MEGF11: variants seen among roughly 807,000 people sequenced by gnomAD.
The protein encoded by MEGF11 is multiple epidermal growth factor-like domains protein 11.
Under a neutral mutation model 146.6 loss-of-function variants are expected in MEGF11, and 126 were observed. That is an observed-to-expected ratio of 0.86 (90% CI 0.74 to 1.00). The LOEUF is 1.00. MEGF11 is among the 50% of genes least tolerant of loss of function. The pLI, the probability that MEGF11 is intolerant of heterozygous loss-of-function variation, is 0.00. For missense variants in MEGF11, 1,509 were observed against 1,521.2 expected (o/e 0.99, Z 0.13); for synonymous variants, 532 against 583.4 (o/e 0.91, Z 1.27).
intron 1 of MEGF11, among the ~76,000 whole-genome samples, chr15:66,132,598 T>C (rs1370783597): frequency 6.6e-6 from 1 of 152,160 alleles, no homozygotes; most frequent in Non-Finnish European, 1.5e-5. Context: ...CCCACAACAA[T>C]GGGGATCTAT....
At chr15:66,134,475 A>C (rs1369866713) in intron 1 of MEGF11, among the ~76,000 whole-genome samples, 2 of 136,992 alleles carry the variant, frequency 1.5e-5, no homozygotes, top group Non-Finnish European at 3.4e-5. Flanking sequence ...CCCCACCCGC[A>C]ATCTGCCCAC....
chr15:66,192,942 G>C (rs1051444051), intron 1 of MEGF11, among the ~76,000 whole-genome samples: 2 of 152,188 alleles, frequency 1.3e-5, no homozygotes, highest in African/African-American at 2.4e-5. Flanking sequence ...TGATGGAGAG[G>C]AATAGGTCAG....
chr15:66,229,921 T>C (rs947326438), intron 1 of MEGF11, among the ~76,000 whole-genome samples: 25 of 152,242 alleles, frequency 1.6e-4, no homozygotes, highest in African/African-American at 5.8e-4. Flanking sequence ...TCAAGCTCTG[T>C]TTGTTTTGAG....
chr15:66,167,013 C>A (rs1225344185), intron 1 of MEGF11, among the ~76,000 whole-genome samples: 3 of 152,146 alleles, frequency 2.0e-5, no homozygotes, highest in African/African-American at 7.2e-5. Flanking sequence ...TTGGTCATGG[C>A]CCTTGAGGTC....
At chr15:65,931,161 C>G (rs1434775584) in intron 10 of MEGF11, among the ~76,000 whole-genome samples, 1 of 152,062 alleles carries the variant, frequency 6.6e-6, no homozygotes, top group African/African-American at 2.4e-5. Context: ...TCCAGGTGGG[C>G]TCAATATAAT....
intron 1 of MEGF11, among the ~76,000 whole-genome samples, chr15:66,217,491 T>C (rs980221135): frequency 1.3e-5 from 2 of 152,234 alleles, no homozygotes; most frequent in Non-Finnish European, 2.9e-5. Context: ...TGTTGTTTGA[T>C]GTTAAAAAGA....
chr15:65,942,974 CTTTTTTTTTT>C lies in MEGF11; in HGVS notation c.1288-12041_1288-12032del, dbSNP rs58874869. 5.7e-3 allele frequency among the ~76,000 whole-genome samples: 270 copies of C among 47,632 alleles called. 2 individuals carry two copies. Among genetic ancestry groups the C allele is most frequent in the African/African-American group, 0.026 (254 of 9,900 alleles). The allele number at this position is 47,632 out of a possible 152,430, so 31.2% of individuals were successfully genotyped here. A position where few individuals can be genotyped will look rare whatever the true frequency, so the allele number is the denominator to read the frequency against. ...AAACAAAAACAAAAAAACAACTTGG[CTTTTTTTTTT>C]TTTTTTTTTTTTTTTTTTTTAACAC... On this transcript the variant is annotated intron_variant, in intron 10 of 25. Transcript: ENST00000395614.
At chr15:66,158,791 C>T (rs1443188208) in intron 1 of MEGF11, among the ~76,000 whole-genome samples, 1 of 152,220 alleles carries the variant, frequency 6.6e-6, no homozygotes, top group African/African-American at 2.4e-5. Flanking sequence ...CCTGAAGCCT[C>T]CCCCTTCCAA....
chr15:66,109,839 G>A (rs1354331706), intron 4 of MEGF11, among the ~76,000 whole-genome samples: 4 of 152,222 alleles, frequency 2.6e-5, no homozygotes, highest in African/African-American at 7.2e-5. Context: ...TGTGGTATGA[G>A]TCTATTTCAC....
At position 65,897,618 on chromosome 15, in the gene MEGF11, C is replaced by T. The variant is rs535990042; in HGVS notation, c.*316G>A. On this transcript the variant is annotated 3_prime_UTR_variant, in exon 26 of 26. Transcript: ENST00000395614. ...AAACCTACATGTTTTTAAAATATCA[C>T]GTTTCAGATAAATATATATATATAT... The T allele has an allele frequency of 6.4e-5, 11 of 172,638 alleles. No individual in the cohort carries two copies. Among genetic ancestry groups the T allele is most frequent in the African/African-American group, 1.4e-4 (6 of 42,452 alleles). 10.7% of individuals were successfully genotyped at this position (172,638 alleles called of 1,614,324 possible). A position where few individuals can be genotyped will look rare whatever the true frequency, so the allele number is the denominator to read the frequency against.
intron 5 of MEGF11, among the ~76,000 whole-genome samples, chr15:66,010,322 A>G (rs1053819715): frequency 6.6e-6 from 1 of 151,768 alleles, no homozygotes; most frequent in Non-Finnish European, 1.5e-5. Flanking sequence ...CCTCCTGAGT[A>G]GCTGGGATTA....
intron 1 of MEGF11, among the ~76,000 whole-genome samples, chr15:66,204,863 T>C (rs1326727404): frequency 6.6e-6 from 1 of 152,060 alleles, no homozygotes; most frequent in African/African-American, 2.4e-5. Flanking sequence ...CTAAAACCCC[T>C]GGACATTACA....
chr15:66,174,421 G>A (rs2090339838), intron 1 of MEGF11, among the ~76,000 whole-genome samples: 1 of 152,148 alleles, frequency 6.6e-6, no homozygotes, highest in Non-Finnish European at 1.5e-5. Context: ...TGGTGTAGGG[G>A]AAACCTCTGG....
At chr15:66,113,259 C>G (rs1198300114) in intron 4 of MEGF11, among the ~76,000 whole-genome samples, 1 of 152,104 alleles carries the variant, frequency 6.6e-6, no homozygotes, top group Non-Finnish European at 1.5e-5. Flanking sequence ...ACAACCTATG[C>G]TCCCCAAGCC....
intron 5 of MEGF11, among the ~76,000 whole-genome samples, chr15:65,994,330 C>G (rs555811840): frequency 6.6e-6 from 1 of 152,174 alleles, no homozygotes; most frequent in Non-Finnish European, 1.5e-5. Context: ...TCCTAAGGGA[C>G]TTTCTGCCTG....
rs79563795 is a variant in MEGF11 at position 65,985,786 on chromosome 15, G to A, written c.395-3298C>T. ...ACAGTCTAGTAGGGGCAGAAATGCT[G>A]GAGCAGCATTCATGGTACCCTACGA... On this transcript the variant is annotated intron_variant, in intron 5 of 25. Coordinates refer to ENST00000395614, the MANE Select transcript of MEGF11 (RefSeq NM_001385028.1). 8.2e-3 allele frequency among the ~76,000 whole-genome samples: 1,253 copies of A among 152,078 alleles called. 25 individuals carry two copies. The highest frequency in any genetic ancestry group is 0.029 in the African/African-American group (1,195 of 41,470).
At chr15:65,985,354 A>G (rs992194939) in intron 5 of MEGF11, among the ~76,000 whole-genome samples, 1 of 152,202 alleles carries the variant, frequency 6.6e-6, no homozygotes, top group African/African-American at 2.4e-5. Flanking sequence ...ACAAGGTGGC[A>G]GCCACGAAGC....
chr15:66,244,479 A>C (rs1438584082), intron 1 of MEGF11, among the ~76,000 whole-genome samples: 1 of 152,224 alleles, frequency 6.6e-6, no homozygotes, highest in Non-Finnish European at 1.5e-5. Flanking sequence ...AGAGACTGGG[A>C]GAACAGGCAC....
chr15:65,903,553 A>G (rs969169722), intron 24 of MEGF11, among the ~76,000 whole-genome samples: 1 of 152,202 alleles, frequency 6.6e-6, no homozygotes, highest in Non-Finnish European at 1.5e-5. Flanking sequence ...GAAGAAACCA[A>G]GACCCAGAAA....
Sources: allele counts gnomAD v4.1 joint callset (sites outside exome capture counted in the v4.1 genomes callset), GRCh38; gene constraint gnomAD v4.1.1; transcripts MANE v1.5; gene names NCBI Gene and HGNC (gene_info 2026-07-23, HGNC 2026-07-21).